The following EYS variants were observed in gnomAD, a reference collection of about 807,000 sequenced individuals.
EYS encodes EGF-like photoreceptor maintenance factor, also known as protein eyes shut homolog.
In EYS, 250 loss-of-function variants were observed where a neutral mutation model predicts 282.1. The observed-to-expected ratio is 0.89, with a 90% CI of 0.80 to 0.98. EYS has a LOEUF of 0.98. Ranked by LOEUF, EYS falls within the 50% of genes least tolerant of loss-of-function variation. The pLI, the probability that EYS is intolerant of heterozygous loss-of-function variation, is 0.00. For synonymous variants in EYS, 1,355 were observed against 1,282.9 expected, an observed-to-expected ratio of 1.06 and a Z score of -1.20; for missense variants, 4,016 against 3,709.0, an observed-to-expected ratio of 1.08 and a Z score of -2.15.
intron 12 of EYS, among the ~76,000 whole-genome samples, chr6:65,064,265 A>G (rs1353887699): frequency 7.0e-6 from 1 of 142,136 alleles, no homozygotes; most frequent in Non-Finnish European, 1.5e-5. Flanking sequence ...TATATCATAT[A>G]TAGTATACTA....
chr6:64,619,236 T>C (rs1422890956), intron 23 of EYS, among the ~76,000 whole-genome samples: 1 of 152,206 alleles, frequency 6.6e-6, no homozygotes, highest in Non-Finnish European at 1.5e-5. Context: ...TTTCAAAATA[T>C]AATTTAAGCA....
At chr6:64,658,804 C>T (rs1190078771) in intron 22 of EYS, among the ~76,000 whole-genome samples, 2 of 152,134 alleles carry the variant, frequency 1.3e-5, no homozygotes, top group Admixed American at 1.3e-4. Context: ...GGGGGTCACC[C>T]CACTGTCAAT....
At chr6:63,880,487 G>GTATCTATCTATCTATCTATC (rs56891791) in intron 35 of EYS, among the ~76,000 whole-genome samples, 1,997 of 142,850 alleles carry the variant, frequency 0.014, 26 homozygotes, top group Non-Finnish European at 0.02. Context: ...CTGTCTGTCT[G>GTATCTATCTATCTATCTATC]TATCTATCTA....
intron 18 of EYS, among the ~76,000 whole-genome samples, chr6:64,901,031 C>G (rs1767638325): frequency 7.1e-6 from 1 of 141,566 alleles, no homozygotes; most frequent in Admixed American, 7.3e-5. Context: ...AAAAATGTGA[C>G]ACATATACAC....
At chr6:64,455,563 T>A (rs938699545) in intron 26 of EYS, among the ~76,000 whole-genome samples, 1 of 152,016 alleles carries the variant, frequency 6.6e-6, no homozygotes, top group Non-Finnish European at 1.5e-5. Flanking sequence ...TTTTAAGCCC[T>A]GCATGCATTA....
chr6:65,470,159 G>A (rs1765156988), intron 5 of EYS, among the ~76,000 whole-genome samples: 2 of 152,050 alleles, frequency 1.3e-5, no homozygotes, highest in African/African-American at 4.8e-5. Flanking sequence ...GAGTATCAAG[G>A]AGAAAAATAT....
chr6:64,949,691 C>A (rs1026308900), intron 14 of EYS, among the ~76,000 whole-genome samples: 1 of 151,744 alleles, frequency 6.6e-6, no homozygotes, highest in African/African-American at 2.4e-5. Context: ...CACTCACACC[C>A]AAGGGGAGAT....
At chr6:64,500,405 C>T (rs963203638) in intron 26 of EYS, among the ~76,000 whole-genome samples, 1 of 152,004 alleles carries the variant, frequency 6.6e-6, no homozygotes, top group Non-Finnish European at 1.5e-5. Flanking sequence ...TTTATGTTTG[C>T]TCCAGGTACA....
intron 36 of EYS, among the ~76,000 whole-genome samples, chr6:63,836,244 T>G (rs1771802111): frequency 6.6e-6 from 1 of 152,154 alleles, no homozygotes; most frequent in East Asian, 1.9e-4. Flanking sequence ...AGTATTTTGC[T>G]AAGTGAAAGA....
chr6:65,617,814 G>T (rs1048933917), intron 2 of EYS, among the ~76,000 whole-genome samples: 4 of 150,028 alleles, frequency 2.7e-5, no homozygotes, highest in Non-Finnish European at 4.4e-5. Flanking sequence ...TTGGTTTTTT[G>T]CACTTGCAAT....
At chr6:64,251,665 T>A (rs986103519) in intron 30 of EYS, among the ~76,000 whole-genome samples, 1 of 152,192 alleles carries the variant, frequency 6.6e-6, no homozygotes, top group African/African-American at 2.4e-5. Context: ...ACCAGTATTA[T>A]GACCATGTTT....
intron 22 of EYS, among the ~76,000 whole-genome samples, chr6:64,721,316 A>C (rs1355622684): frequency 6.6e-6 from 1 of 152,172 alleles, no homozygotes; most frequent in East Asian, 1.9e-4. Context: ...GTTCCAAAGG[A>C]AACTGCAATT....
At chr6:63,887,623 G>T (rs1443097247) in intron 35 of EYS, among the ~76,000 whole-genome samples, 2 of 152,148 alleles carry the variant, frequency 1.3e-5, no homozygotes, top group African/African-American at 4.8e-5. Flanking sequence ...GTGCACTCTG[G>T]CCCAAATACT....
intron 22 of EYS, among the ~76,000 whole-genome samples, chr6:64,727,198 T>C (rs868807132): frequency 9.8e-5 from 15 of 152,328 alleles, no homozygotes; most frequent in African/African-American, 2.9e-4. Context: ...AAGCCACTCA[T>C]AAGACTGAGG....
chr6:64,250,128 T>C (rs1296937949), intron 30 of EYS, among the ~76,000 whole-genome samples: 1 of 152,248 alleles, frequency 6.6e-6, no homozygotes, highest in Non-Finnish European at 1.5e-5. Flanking sequence ...GTGTATCTTA[T>C]AGAAATTCCT....
chr6:65,432,341 G>A (rs1317277516), intron 5 of EYS, among the ~76,000 whole-genome samples: 1 of 151,988 alleles, frequency 6.6e-6, no homozygotes, highest in African/African-American at 2.4e-5. Context: ...AAATTCTGGT[G>A]GGAGAACACA....
chr6:64,314,856 T>A (rs930383662), intron 29 of EYS, among the ~76,000 whole-genome samples: 1 of 151,852 alleles, frequency 6.6e-6, no homozygotes, highest in Admixed American at 6.6e-5. Flanking sequence ...ATATCACAAT[T>A]AAAAGAACTA....
intron 19 of EYS, among the ~76,000 whole-genome samples, chr6:64,844,366 T>C (rs1409060599): frequency 6.6e-6 from 1 of 151,676 alleles, no homozygotes; most frequent in African/African-American, 2.4e-5. Context: ...GGGTTTTTTT[T>C]TTTTTGAGTA....
At chr6:64,250,385 C>G (rs544982095) in intron 30 of EYS, among the ~76,000 whole-genome samples, 1 of 152,114 alleles carries the variant, frequency 6.6e-6, no homozygotes, top group Non-Finnish European at 1.5e-5. Flanking sequence ...CAGAATTGCA[C>G]GCAACCGTGG....
Sources: allele counts gnomAD v4.1 joint callset (sites outside exome capture counted in the v4.1 genomes callset), GRCh38; gene constraint gnomAD v4.1.1; transcripts MANE v1.5; gene names NCBI Gene and HGNC (gene_info 2026-07-23, HGNC 2026-07-21).